MYO18B: variants seen among roughly 807,000 people sequenced by gnomAD.
MYO18B encodes the protein myosin XVIIIB.
MYO18B carries 204 observed loss-of-function variants against 273.0 expected under a neutral mutation model. The observed-to-expected ratio is 0.75, with a 90% CI of 0.67 to 0.84. The LOEUF (loss-of-function observed/expected upper bound fraction) is 0.84, where lower values mean the gene tolerates loss of function less well. Ranked by LOEUF, MYO18B falls within the 40% of genes least tolerant of loss-of-function variation. MYO18B has a pLI of 0.00. For synonymous variants in MYO18B, 1,330 were observed against 1,305.7 expected, an observed-to-expected ratio of 1.02 and a Z score of -0.40; for missense variants, 3,212 against 3,287.6, an observed-to-expected ratio of 0.98 and a Z score of 0.56.
chr22:25,772,568 G>T, intron 7 of MYO18B, 58 bp downstream of exon 7: 2 of 1,519,620 alleles, frequency 1.3e-6, no homozygotes, highest in East Asian at 2.4e-5. Flanking sequence ...GGCCTGGGGG[G>T]ATCCCTCTGC....
rs1936637836 is a variant in MYO18B at position 26,030,883 on chromosome 22, T to G, written c.*453T>G. The G allele has an allele frequency of 2.5e-6, 1 of 398,584 alleles. No individual in the cohort carries two copies. The highest frequency in any genetic ancestry group is 3.6e-5 in the East Asian group (1 of 28,072). The allele number at this position is 398,584 out of a possible 1,614,324, so 24.7% of individuals were successfully genotyped here. A position where few individuals can be genotyped will look rare whatever the true frequency, so the allele number is the denominator to read the frequency against. ...TATATCAAACTGAAACAAATGCTCC[T>G]CCTCCATGCTCCCTTAATCCCCATG... is the stretch of plus-strand genomic sequence containing the variant. On this transcript the variant is annotated 3_prime_UTR_variant, in exon 44 of 44. Transcript: ENST00000335473.
At chr22:25,897,859 C>G (rs1212238494) in intron 28 of MYO18B, 2 of 158,528 alleles carry the variant, frequency 1.3e-5, no homozygotes, top group Non-Finnish European at 2.8e-5. Context: ...CCATTTGCTG[C>G]TTTAACCTTT....
chr22:25,841,355 A>G (rs1213406363), intron 17 of MYO18B, among the ~76,000 whole-genome samples: 2 of 152,238 alleles, frequency 1.3e-5, no homozygotes, highest in African/African-American at 4.8e-5. Context: ...AAATGCTTTC[A>G]TGGACAAAAT....
chr22:25,858,178 T>A (rs1400478416), intron 21 of MYO18B, among the ~76,000 whole-genome samples: 3 of 152,238 alleles, frequency 2.0e-5, no homozygotes, highest in African/African-American at 7.2e-5. Flanking sequence ...AAGTATGTGA[T>A]TTAGAGTCAG....
intron 1 of MYO18B, among the ~76,000 whole-genome samples, chr22:25,758,801 A>G (rs1375496408): frequency 6.6e-6 from 1 of 151,430 alleles, no homozygotes; most frequent in East Asian, 1.9e-4. Flanking sequence ...TCTGTTGCCC[A>G]GACTGGAGTG....
chr22:25,992,345 T>C lies in MYO18B; in HGVS notation c.6157-18T>C, dbSNP rs765506410. The C allele has an allele frequency of 1.2e-6, 2 of 1,612,980 alleles. No homozygotes were observed. The highest frequency in any genetic ancestry group is 8.5e-7 in the Non-Finnish European group (1 of 1,179,064). On this transcript the variant is annotated intron_variant, in intron 39 of 43. Transcript: ENST00000335473. Reference sequence around the variant, plus strand: ...TTCTTGCCCAAGGCCAACGTGTGTTTGCATCTTCTGTCCCCAGGAGAAGTA... The same window carrying C: ...TTCTTGCCCAAGGCCAACGTGTGTTCGCATCTTCTGTCCCCAGGAGAAGTA...
intron 40 of MYO18B, among the ~76,000 whole-genome samples, chr22:25,996,298 TTCA>T (rs1252961308): frequency 2.0e-4 from 30 of 152,334 alleles, no homozygotes; most frequent in African/African-American, 7.2e-4. Context: ...CATTCATTCA[TTCA>T]TTCATTTGAT....
rs1386485590 is a variant in MYO18B, at chr22:25,921,346, G to A, written c.5454G>A (p.Leu1818=). ...TGTTGTCAGACGTGCAGCTCCTTCT[G>A]GGCACCATGGAGGATGGCAAGACAT... ...HALLSDVQLL[L]GTMEDGKTSV... is the part of the protein sequence containing the mutation. Residue 1818 remains leucine (L), a synonymous_variant, in exon 34 of 44, where the codon CTG becomes CTA. Transcript: ENST00000335473. The A allele has an allele frequency of 1.6e-5, 25 of 1,590,472 alleles. No homozygotes were observed. Among genetic ancestry groups the A allele is most frequent in the Non-Finnish European group, 2.1e-5 (24 of 1,168,542 alleles).
the MYO18B span, among the ~76,000 whole-genome samples, chr22:26,058,335 G>A: frequency 2.0e-5 from 3 of 152,106 alleles, no homozygotes; most frequent in Non-Finnish European, 4.4e-5. Flanking sequence ...AATGTGAGTG[G>A]GAGAAGGTGG....
At chr22:25,853,413 A>G (rs941059971) in intron 21 of MYO18B, among the ~76,000 whole-genome samples, 3 of 152,208 alleles carry the variant, frequency 2.0e-5, no homozygotes, top group African/African-American at 4.8e-5. Context: ...CTAACTCACT[A>G]TGGAGGGGAC....
At chr22:26,060,776 T>G in the MYO18B span, among the ~76,000 whole-genome samples, 1 of 145,642 alleles carries the variant, frequency 6.9e-6, no homozygotes, top group South Asian at 2.1e-4. Flanking sequence ...ATGCATACAT[T>G]TATACATATA....
In MYO18B at chr22:25,873,101, G is replaced by A. The variant is rs74953901; in HGVS notation, c.3952-1185G>A. On this transcript the variant is annotated intron_variant, in intron 22 of 43. Transcript: ENST00000335473. ...CCTGGCCCAGAAGCTTCAGGTTCTC[G>A]CAGAAAAGCATTTAACTCAAACCTC... 9.3e-3 allele frequency among the ~76,000 whole-genome samples: 1,421 copies of A among 152,232 alleles called. 16 individuals are homozygous for A. The highest frequency in any genetic ancestry group is 0.032 in the African/African-American group (1,311 of 41,508).
chr22:25,808,896 A>G (rs5761235), intron 12 of MYO18B, among the ~76,000 whole-genome samples: 10,019 of 152,224 alleles, frequency 0.066, 578 homozygotes, highest in East Asian at 0.21. Context: ...ACGAAAAATC[A>G]GTCCAGGGCC....
chr22:25,845,406 A>T (rs1035403201), intron 18 of MYO18B, among the ~76,000 whole-genome samples: 12 of 152,174 alleles, frequency 7.9e-5, no homozygotes, highest in Non-Finnish European at 1.6e-4. Flanking sequence ...AGTCCCAGCT[A>T]CTCGGGAGGC....
chr22:25,946,078 C>T (rs1321702872), intron 34 of MYO18B, 59 bp from the exon 35 acceptor site: 2 of 292,958 alleles, frequency 6.8e-6, no homozygotes, highest in Admixed American at 1.2e-4. Context: ...CCCCACCTCC[C>T]TTCCCCTCTT....
intron 13 of MYO18B, among the ~76,000 whole-genome samples, chr22:25,825,060 C>T (rs533247598): frequency 9.9e-5 from 15 of 152,250 alleles, no homozygotes; most frequent in South Asian, 8.3e-4. Flanking sequence ...TACACACACA[C>T]GCATAGACAC....
At chr22:26,001,899 C>A (rs1933988782) in intron 40 of MYO18B, among the ~76,000 whole-genome samples, 1 of 152,164 alleles carries the variant, frequency 6.6e-6, no homozygotes, top group Non-Finnish European at 1.5e-5. Flanking sequence ...CTTTGATTAG[C>A]TATTGGGCTA....
chr22:25,819,852 A>G (rs531658829), intron 12 of MYO18B, among the ~76,000 whole-genome samples: 4 of 151,818 alleles, frequency 2.6e-5, no homozygotes, highest in Non-Finnish European at 5.9e-5. Flanking sequence ...AATCTATAAA[A>G]TGGGATTAAT....
chr22:26,003,206 A>G, intron 40 of MYO18B, 59 bp from the exon 41 acceptor site: 2 of 1,461,780 alleles, frequency 1.4e-6, no homozygotes, highest in South Asian at 1.2e-5. Context: ...GTCAATAACC[A>G]TGCTTCCAAG....
Sources: gnomAD v4.1 joint callset for allele counts (sites outside exome capture counted in the v4.1 genomes callset) on GRCh38, gnomAD v4.1.1 for gene constraint, MANE v1.5 for transcripts, NCBI Gene and HGNC (gene_info 2026-07-23, HGNC 2026-07-21) for gene names.